The following FRMPD2 variants were observed in gnomAD, a reference collection of about 807,000 sequenced individuals.
The protein encoded by FRMPD2 is FERM and PDZ domain-containing protein 2.
FRMPD2 carries 96 observed loss-of-function variants against 140.1 expected under a neutral mutation model. That is an observed-to-expected ratio of 0.69 (90% CI 0.58 to 0.81). FRMPD2 has a LOEUF of 0.81. FRMPD2 is among the 40% of genes least tolerant of loss of function. The probability of loss-of-function intolerance (pLI) is 0.00; values close to 1 mark genes in which losing one functional copy is unlikely to be tolerated. For synonymous variants in FRMPD2, 449 were observed against 547.6 expected, an observed-to-expected ratio of 0.82 and a Z score of 2.52; for missense variants, 1,240 against 1,447.4, an observed-to-expected ratio of 0.86 and a Z score of 2.32.
In FRMPD2 at chr10:48,221,508, C is replaced by T. The variant is rs138782235; in HGVS notation, c.1455+805G>A. ...GTACACTGCTCAGGTGATGAATGCA[C>T]CAAAATTTCAGTAATCAACACTAAA... On this transcript the variant is annotated intron_variant, in intron 12 of 28. Coordinates refer to ENST00000374201, the MANE Select transcript of FRMPD2 (RefSeq NM_001018071.4). Among the ~76,000 whole-genome samples the T allele has an allele frequency of 1.6e-4, 25 of 152,170 alleles. No homozygotes were observed. In the East Asian group the frequency reaches 4.8e-3, roughly 29 times the overall value.
At position 48,201,376 on chromosome 10, in the gene FRMPD2, C is replaced by A. The variant is rs199957001; in HGVS notation, c.1806G>T (p.Lys602Asn). 34 of 1,613,158 alleles carry A rather than the reference C, an allele frequency of 2.1e-5. No homozygotes were observed. Among genetic ancestry groups the A allele is most frequent in the Non-Finnish European group, 2.9e-5 (34 of 1,179,562 alleles). ...ETGKISTYQK[K>N]FTITSSVTGK... Reference sequence around the variant, plus strand: ...CAGTGACACTGCTTGTGATGGTGAACTTTTTTTGCTGAAGGAAGCAAACAC... The same window carrying A: ...CAGTGACACTGCTTGTGATGGTGAAATTTTTTTGCTGAAGGAAGCAAACAC... Residue 602 changes from lysine to asparagine, a missense_variant, in exon 15 of 29, where the codon AAG becomes AAT. Lys to Asn is a moderately conservative substitution (Grantham distance 94). Around this residue, in one of 6 missense-constraint regions of FRMPD2, gnomAD observed 1,161 missense variants for 1,055.9 expected, o/e 1.10. Coordinates refer to ENST00000374201, the MANE Select transcript of FRMPD2 (RefSeq NM_001018071.4).
At position 48,189,580 on chromosome 10, in the gene FRMPD2, G is replaced by A. The variant is rs540336553; in HGVS notation, c.2166-2288C>T. On this transcript the variant is annotated intron_variant, in intron 16 of 28. Transcript: ENST00000374201. ...CAGACCCCATGTGGGCCACCTCTCCGCTGGCCTGTGAGCTCATGAGGTGGG... is the reference window on the plus strand; with the variant it reads ...CAGACCCCATGTGGGCCACCTCTCCACTGGCCTGTGAGCTCATGAGGTGGG... 5.8e-4 allele frequency among the ~76,000 whole-genome samples: 88 copies of A among 152,276 alleles called. No individual in the cohort carries two copies. The South Asian group carries it at 8.5e-3, about 15-fold the overall frequency.
intron 14 of FRMPD2, among the ~76,000 whole-genome samples, chr10:48,202,650 T>C (rs1839114308): frequency 6.6e-6 from 1 of 152,238 alleles, no homozygotes; most frequent in Non-Finnish European, 1.5e-5. Flanking sequence ...AATTCTTCTT[T>C]AGTACTCAAC....
At chr10:48,170,490 C>T (rs1838211162) in intron 26 of FRMPD2, among the ~76,000 whole-genome samples, 1 of 152,086 alleles carries the variant, frequency 6.6e-6, no homozygotes, top group Non-Finnish European at 1.5e-5. Flanking sequence ...AACCTGCCCA[C>T]ACCTTTATTA....
intron 15 of FRMPD2, among the ~76,000 whole-genome samples, chr10:48,197,900 A>G (rs1204499360): frequency 6.6e-6 from 1 of 152,120 alleles, no homozygotes; most frequent in Admixed American, 6.5e-5. Flanking sequence ...TAACTTTTCC[A>G]AGCCTCAGTT....
At chr10:48,250,557 C>T (rs189769089) in intron 2 of FRMPD2, among the ~76,000 whole-genome samples, 106 of 152,138 alleles carry the variant, frequency 7.0e-4, no homozygotes, top group African/African-American at 2.0e-3. Context: ...CACGCCACCA[C>T]GCCCGGCTAA....
intron 20 of FRMPD2, among the ~76,000 whole-genome samples, chr10:48,181,402 T>A (rs1403522234): frequency 6.6e-6 from 1 of 151,870 alleles, no homozygotes; most frequent in South Asian, 2.1e-4. Context: ...GAAAACAGAG[T>A]CAAAGCTATT....
At chr10:48,250,795 CTTTTT>C (rs34856884) in intron 2 of FRMPD2, among the ~76,000 whole-genome samples, 1 of 117,112 alleles carries the variant, frequency 8.5e-6, no homozygotes, top group South Asian at 2.7e-4. Flanking sequence ...GTAGGTCTGC[CTTTTT>C]TTTTTTTTTT....
At chr10:48,265,908 A>G (rs1840670178) in intron 1 of FRMPD2, among the ~76,000 whole-genome samples, 1 of 152,210 alleles carries the variant, frequency 6.6e-6, no homozygotes. Context: ...ATAAAGAAAT[A>G]CGCATGTGTA....
intron 5 of FRMPD2, among the ~76,000 whole-genome samples, chr10:48,241,802 A>C (rs1418391882): frequency 2.0e-5 from 3 of 152,176 alleles, no homozygotes. Context: ...TCTGTGCAGA[A>C]CCTAGAGTTG....
rs116067822 is a variant in FRMPD2, at chr10:48,259,388, G to A, written c.26-7697C>T. 7.1e-3 allele frequency among the ~76,000 whole-genome samples: 1,089 copies of A among 152,316 alleles called. 17 individuals are homozygous for A. Among genetic ancestry groups the A allele is most frequent in the African/African-American group, 0.024 (1,016 of 41,570 alleles). On this transcript the variant is annotated intron_variant, in intron 1 of 28. Coordinates refer to ENST00000374201, the MANE Select transcript of FRMPD2 (RefSeq NM_001018071.4). ...ATTTCTGCAAAAGTGGAAGGCTGGG[G>A]TTTTGAGCTAACAAGACTAATTAAA... is the stretch of plus-strand genomic sequence containing the variant.
chr10:48,181,767 G>A (rs1379923546), intron 20 of FRMPD2, among the ~76,000 whole-genome samples: 1 of 151,146 alleles, frequency 6.6e-6, no homozygotes, highest in Non-Finnish European at 1.5e-5. Context: ...TAGAGTTGGT[G>A]AGGCTTAGAG....
At chr10:48,250,881 C>T (rs1840362558) in intron 2 of FRMPD2, among the ~76,000 whole-genome samples, 3 of 149,642 alleles carry the variant, frequency 2.0e-5, no homozygotes, top group African/African-American at 7.4e-5. Flanking sequence ...ACTACAACCT[C>T]TGCCTCCTGG....
At chr10:48,192,972 T>C in intron 15 of FRMPD2, 78 bp from the exon 16 acceptor site, 1 of 1,073,646 alleles carries the variant, frequency 9.3e-7, no homozygotes, top group Non-Finnish European at 1.4e-6. Flanking sequence ...GGTTGTAACA[T>C]ATCACTGGGC....
intron 15 of FRMPD2, among the ~76,000 whole-genome samples, chr10:48,198,701 A>G (rs574881223): frequency 1.3e-5 from 2 of 152,318 alleles, no homozygotes; most frequent in East Asian, 3.9e-4. Flanking sequence ...TGATTCTTCC[A>G]ATCCATAAGC....
chr10:48,236,605 G>T, intron 8 of FRMPD2, 52 bp from the exon 9 acceptor site: 1 of 1,548,822 alleles, frequency 6.5e-7, no homozygotes, highest in South Asian at 1.1e-5. Context: ...TCCAGGCTTT[G>T]GGTCTGGGCT....
chr10:48,160,806 G>C (rs1436291799), intron 28 of FRMPD2, among the ~76,000 whole-genome samples: 1 of 147,814 alleles, frequency 6.8e-6, no homozygotes, highest in Non-Finnish European at 1.5e-5. Context: ...TCCTGATTCA[G>C]ACCCTATCCA....
At position 48,168,631 on chromosome 10, in the gene FRMPD2, A is replaced by G; in HGVS notation, c.3501T>C (p.Pro1167=). ...QEVTLLLCRP[P]PGALPELEQE... ...GCTCCAGCTCAGGCAGCGCACCTGG[A>G]GGGGGTCGGCAAAGGAGGAGCGTGA... The change falls in exon 27 of 29, where the codon CCT becomes CCC. Residue 1167 remains proline (P), a synonymous_variant. Transcript: ENST00000374201. The G allele has an allele frequency of 2.7e-6, 3 of 1,119,304 alleles. 1 individual carries two copies. The highest frequency in any genetic ancestry group is 1.3e-6 in the Non-Finnish European group (1 of 792,186). 69.3% of individuals were successfully genotyped at this position (1,119,304 alleles called of 1,614,324 possible).
intron 1 of FRMPD2, among the ~76,000 whole-genome samples, chr10:48,268,095 T>C (rs776031921): frequency 5.9e-5 from 9 of 152,172 alleles, no homozygotes; most frequent in Non-Finnish European, 1.0e-4. Context: ...GACATTTCAC[T>C]GAAGATACAC....
Sources: gnomAD v4.1 joint callset for allele counts (sites outside exome capture counted in the v4.1 genomes callset) on GRCh38, gnomAD v4.1.1 for gene constraint, gnomAD v4.1.1 regional missense constraint, MANE v1.5 for transcripts, NCBI Gene and HGNC (gene_info 2026-07-23, HGNC 2026-07-21) for gene names.